Variants in NEDD4L observed in about 807,000 individuals in gnomAD.
NEDD4L encodes E3 ubiquitin-protein ligase NEDD4-like.
NEDD4L carries 54 observed loss-of-function variants against 148.9 expected under a neutral mutation model. The ratio of observed to expected loss-of-function variants is 0.36; its 90% confidence interval spans 0.29 to 0.45. NEDD4L has a LOEUF of 0.45. NEDD4L is among the 20% of genes least tolerant of loss of function. The pLI is 1.00. For synonymous variants in NEDD4L, 433 were observed against 440.7 expected, an observed-to-expected ratio of 0.98 and a Z score of 0.22; for missense variants, 856 against 1,233.8, an observed-to-expected ratio of 0.69 and a Z score of 4.59.
At chr18:58,328,970 C>G (rs748833740) in intron 9 of NEDD4L, 25 bp from the exon 10 acceptor site, 1 of 1,613,798 alleles carries the variant, frequency 6.2e-7, no homozygotes, top group East Asian at 2.2e-5. Flanking sequence ...CTCTTCTTCT[C>G]TTTCCCCCTT....
At chr18:58,395,488 C>T (rs2050370425) in intron 30 of NEDD4L, among the ~76,000 whole-genome samples, 1 of 152,026 alleles carries the variant, frequency 6.6e-6, no homozygotes, top group Admixed American at 6.5e-5. Context: ...ATTTGCAGCC[C>T]CCGCCCCCAC....
At chr18:58,218,820 A>G (rs1028263501) in intron 2 of NEDD4L, among the ~76,000 whole-genome samples, 3 of 152,192 alleles carry the variant, frequency 2.0e-5, no homozygotes, top group Non-Finnish European at 2.9e-5. Context: ...TCTTTTCACT[A>G]TAGCCTGGTG....
chr18:58,231,267 A>T (rs2045192719), intron 2 of NEDD4L, among the ~76,000 whole-genome samples: 1 of 149,562 alleles, frequency 6.7e-6, no homozygotes, highest in South Asian at 2.1e-4. Context: ...AAAAGAACAG[A>T]AAAGGAACAA....
intron 2 of NEDD4L, among the ~76,000 whole-genome samples, chr18:58,237,716 G>A (rs1301947666): frequency 6.6e-6 from 1 of 152,048 alleles, no homozygotes; most frequent in African/African-American, 2.4e-5. Context: ...ACACAGCTCT[G>A]ATGATCTCTA....
rs766536186 is a variant in NEDD4L at position 58,341,117 on chromosome 18, A to T, written c.1205A>T (p.Tyr402Phe). The change falls in exon 14 of 31, where the codon TAC (tyrosine) becomes TTC (phenylalanine). Residue 402 changes from tyrosine (Y) to phenylalanine (F), a missense_variant. Tyr to Phe is a conservative substitution (Grantham distance 22, BLOSUM62 3). This residue lies in a region of NEDD4L where 367 missense variants were observed against 422.7 expected (regional missense o/e 0.87). Coordinates refer to ENST00000400345, the MANE Select transcript of NEDD4L (RefSeq NM_001144967.3). The stretch of plus-strand genomic sequence containing the variant: ...AGAAAAGATGCTAAGGGGCGCACAT[A>T]CTATGTCAATCATAACAATCGAACC... ...EERKDAKGRT[Y>F]YVNHNNRTTT... The T allele has an allele frequency of 6.2e-7, 1 of 1,612,644 alleles. No individual in the cohort carries two copies. Among genetic ancestry groups the T allele is most frequent in the Non-Finnish European group, 8.5e-7 (1 of 1,179,418 alleles).
At chr18:58,049,445 G>T (rs899692299) in intron 1 of NEDD4L, among the ~76,000 whole-genome samples, 1 of 152,148 alleles carries the variant, frequency 6.6e-6, no homozygotes, top group African/African-American at 2.4e-5. Flanking sequence ...AAAAATTGTG[G>T]TTTAGATTTT....
intron 3 of NEDD4L, chr18:58,247,149 C>T (rs1461493525): frequency 6.6e-6 from 1 of 152,056 alleles, no homozygotes; most frequent in South Asian, 2.1e-4. Flanking sequence ...CTTAGATAGT[C>T]TAACACTTTG....
chr18:58,223,914 T>A (rs1433048564), intron 2 of NEDD4L, among the ~76,000 whole-genome samples: 1 of 152,218 alleles, frequency 6.6e-6, no homozygotes, highest in African/African-American at 2.4e-5. Flanking sequence ...TAAATATTTG[T>A]GCTTCCTCTG....
chr18:58,113,618 G>A (rs1032139945), intron 1 of NEDD4L, among the ~76,000 whole-genome samples: 1 of 152,222 alleles, frequency 6.6e-6, no homozygotes, highest in Non-Finnish European at 1.5e-5. Flanking sequence ...CTGTATTGGA[G>A]TGCAGAGACT....
At chr18:58,255,401 C>A in intron 5 of NEDD4L, 1 of 792,758 alleles carries the variant, frequency 1.3e-6, no homozygotes, top group Non-Finnish European at 1.7e-6. Context: ...TCATGTGGTT[C>A]TGGCCACCCT....
intron 2 of NEDD4L, among the ~76,000 whole-genome samples, chr18:58,199,491 C>T (rs2041154038): frequency 6.6e-6 from 1 of 152,172 alleles, no homozygotes; most frequent in Non-Finnish European, 1.5e-5. Context: ...ATACGAAATG[C>T]TGTGGAAGAC....
chr18:58,047,631 A>C lies in NEDD4L; in HGVS notation c.48+2923A>C, dbSNP rs536615820. ...ATTCATATTTACCCTGATTTAAGTCATGTCACTTTAGGTAGCCAGATTCAA... is the reference window on the plus strand; with the variant it reads ...ATTCATATTTACCCTGATTTAAGTCCTGTCACTTTAGGTAGCCAGATTCAA... On this transcript the variant is annotated intron_variant, in intron 1 of 30. Coordinates refer to ENST00000400345, the MANE Select transcript of NEDD4L (RefSeq NM_001144967.3). 4 of 462,396 alleles carry C rather than the reference A, an allele frequency of 8.7e-6. No individual in the cohort carries two copies. The South Asian group carries it at 3.7e-4, about 42-fold the overall frequency. The allele number at this position is 462,396 out of a possible 1,614,324, so 28.6% of individuals were successfully genotyped here.
intron 2 of NEDD4L, among the ~76,000 whole-genome samples, chr18:58,166,149 C>T (rs1275803674): frequency 6.6e-6 from 1 of 152,214 alleles, no homozygotes; most frequent in Non-Finnish European, 1.5e-5. Context: ...TAGAAAAATA[C>T]AGTGTGGGAC....
chr18:58,242,807 TCTC>T (rs939263876), intron 2 of NEDD4L, among the ~76,000 whole-genome samples: 3 of 152,072 alleles, frequency 2.0e-5, no homozygotes, highest in Non-Finnish European at 4.4e-5. Flanking sequence ...CGCCTAACCC[TCTC>T]CTCCCCTCGA....
intron 5 of NEDD4L, among the ~76,000 whole-genome samples, chr18:58,262,912 C>G (rs2049641702): frequency 6.6e-6 from 1 of 152,152 alleles, no homozygotes; most frequent in Admixed American, 6.5e-5. Flanking sequence ...TGACAGGAAG[C>G]TTAGTTTCTT....
At chr18:58,338,332 G>A (rs1174345084) in intron 13 of NEDD4L, among the ~76,000 whole-genome samples, 2 of 152,202 alleles carry the variant, frequency 1.3e-5, no homozygotes, top group Admixed American at 6.5e-5. Context: ...CCCTTCCATG[G>A]CCTGTCTGTA....
intron 1 of NEDD4L, among the ~76,000 whole-genome samples, chr18:58,115,370 C>T (rs143809209): frequency 6.6e-6 from 1 of 151,594 alleles, no homozygotes; most frequent in Admixed American, 6.6e-5. Context: ...AGGGGAGATG[C>T]AATTCCCTGC....
chr18:58,149,303 G>C, intron 1 of NEDD4L: 1 of 1,129,820 alleles, frequency 8.9e-7, no homozygotes, highest in Non-Finnish European at 1.2e-6. Flanking sequence ...TAAGACACCT[G>C]TGATTTGATG....
intron 2 of NEDD4L, among the ~76,000 whole-genome samples, chr18:58,187,697 T>A (rs2147118332): frequency 6.6e-6 from 1 of 152,266 alleles, no homozygotes; most frequent in Admixed American, 6.5e-5. Context: ...AAATTAGTAA[T>A]ATTCAAAGAC....
Sources: gnomAD v4.1 joint callset for allele counts (sites outside exome capture counted in the v4.1 genomes callset) on GRCh38, gnomAD v4.1.1 for gene constraint, gnomAD v4.1.1 regional missense constraint, MANE v1.5 for transcripts, NCBI Gene and HGNC (gene_info 2026-07-23, HGNC 2026-07-21) for gene names.